The following ZNF708 variants were observed in gnomAD, a reference collection of about 807,000 sequenced individuals.
The protein encoded by ZNF708 is zinc finger protein 708.
A neutral mutation model predicts 47.0 loss-of-function variants in ZNF708; 44 were observed. That is an observed-to-expected ratio of 0.94 (90% CI 0.74 to 1.20). The LOEUF (loss-of-function observed/expected upper bound fraction) is 1.20. Ranked by LOEUF, ZNF708 falls within the 50% of genes most tolerant of loss-of-function variation. ZNF708 has a pLI of 0.00. For missense variants in ZNF708, 557 were observed against 656.0 expected, an observed-to-expected ratio of 0.85 and a Z score of 1.65; for synonymous variants, 184 against 218.5, an observed-to-expected ratio of 0.84 and a Z score of 1.39.
intron 3 of ZNF708, among the ~76,000 whole-genome samples, chr19:21,297,258 ATATATATATATATTTTTTTTTTTTT>A (rs1378093491): frequency 1.4e-4 from 2 of 14,722 alleles, no homozygotes; most frequent in Admixed American, 6.3e-4. Flanking sequence ...ATATATATAT[ATATATATATATATTTTTTTTTTTTT>A]TTTTTTTTTT....
intron 1 of ZNF708, among the ~76,000 whole-genome samples, chr19:21,326,227 GA>G (rs1371853681): frequency 6.6e-6 from 1 of 152,198 alleles, no homozygotes; most frequent in Non-Finnish European, 1.5e-5. Context: ...CTACCCAGAG[GA>G]AAAGAAGTCA....
At chr19:21,326,623 T>C (rs1040324051) in intron 1 of ZNF708, among the ~76,000 whole-genome samples, 1 of 152,174 alleles carries the variant, frequency 6.6e-6, no homozygotes, top group African/African-American at 2.4e-5. Context: ...GCTCTGGTGA[T>C]GGGTGCACCA....
At chr19:21,324,920 T>TGTGAAAATGTACTCATTTTCTA (rs567064765) in intron 1 of ZNF708, among the ~76,000 whole-genome samples, 215 of 152,318 alleles carry the variant, frequency 1.4e-3, no homozygotes, top group African/African-American at 4.9e-3. Context: ...CACATTTTCT[T>TGTGAAAATGTACTCATTTTCTA]GTGAAAATGT....
intron 1 of ZNF708, among the ~76,000 whole-genome samples, chr19:21,311,473 C>T (rs915536758): frequency 2.6e-5 from 4 of 151,984 alleles, no homozygotes; most frequent in African/African-American, 9.7e-5. Flanking sequence ...AAGGACACAG[C>T]ACCACTGCTG....
chr19:21,302,664 A>C (rs1216285766), intron 3 of ZNF708, among the ~76,000 whole-genome samples: 1 of 152,052 alleles, frequency 6.6e-6, no homozygotes, highest in Non-Finnish European at 1.5e-5. Context: ...ATGCCATTGC[A>C]CTCCAGCCTG....
Position 21,310,483 on chromosome 19 carries a change from A to C in ZNF708, c.130+18T>G. ...ATAATAAATAATAAAAATTAAAAAA[A>C]AAAAAACTTATCCTCACCCAGGAAT... On this transcript the variant is annotated intron_variant, in intron 2 of 3. Coordinates refer to ENST00000356929, the MANE Select transcript of ZNF708 (RefSeq NM_021269.3). 1.5e-6 allele frequency: 2 copies of C among 1,307,074 alleles called. No homozygotes were observed. Among genetic ancestry groups the C allele is most frequent in the Non-Finnish European group, 2.0e-6 (2 of 1,010,570 alleles). The allele number at this position is 1,307,074 out of a possible 1,614,324, so 81.0% of individuals were successfully genotyped here.
chr19:21,312,135 A>G (rs563429878), intron 1 of ZNF708, among the ~76,000 whole-genome samples: 20 of 152,142 alleles, frequency 1.3e-4, no homozygotes, highest in Non-Finnish European at 2.4e-4. Flanking sequence ...TCTCTACTAA[A>G]AACACAAAAA....
chr19:21,309,314 A>C lies in ZNF708; in HGVS notation c.158T>G (p.Ile53Ser), dbSNP rs757154922. 5.6e-6 allele frequency: 9 copies of C among 1,601,702 alleles called. No homozygotes were observed. In the Admixed American group the frequency reaches 1.2e-4, roughly 21 times the overall value. ...LGIAVSNLDL[I>S]TCLEQGKEPW... Reference sequence around the variant, plus strand: ...CTCTTTTCCTTGCTCCAGACAGGTGATCAGGTCTAAATTAGACACAGCAAT... The same window carrying C: ...CTCTTTTCCTTGCTCCAGACAGGTGCTCAGGTCTAAATTAGACACAGCAAT... The change falls in exon 3 of 4, where the codon ATC becomes AGC. Residue 53 changes from isoleucine (I) to serine (S), a missense_variant. Ile to Ser is a moderately radical substitution (Grantham distance 142). Transcript: ENST00000356929.
intron 1 of ZNF708, among the ~76,000 whole-genome samples, chr19:21,327,387 C>T (rs1973282153): frequency 6.6e-6 from 1 of 152,090 alleles, no homozygotes; most frequent in Admixed American, 6.5e-5. Flanking sequence ...AAAACATTAG[C>T]TGGGTGTGGT....
At chr19:21,301,734 T>C (rs985731345) in intron 3 of ZNF708, among the ~76,000 whole-genome samples, 29 of 152,190 alleles carry the variant, frequency 1.9e-4, no homozygotes, top group African/African-American at 4.8e-4. Context: ...GAGGTGGAGA[T>C]TGCAGTTAGC....
At chr19:21,317,336 G>A (rs374613613) in intron 1 of ZNF708, among the ~76,000 whole-genome samples, 7 of 152,226 alleles carry the variant, frequency 4.6e-5, no homozygotes, top group African/African-American at 1.7e-4. Flanking sequence ...GCCCTGTAAG[G>A]TTTGTAGAAA....
chr19:21,302,460 G>A (rs553935847), intron 3 of ZNF708, among the ~76,000 whole-genome samples: 1 of 152,194 alleles, frequency 6.6e-6, no homozygotes, highest in Admixed American at 6.5e-5. Context: ...TACTTTGAGA[G>A]GCTGAGGCGG....
chr19:21,297,812 G>A (rs1401484903), intron 3 of ZNF708, among the ~76,000 whole-genome samples: 1 of 152,032 alleles, frequency 6.6e-6, no homozygotes, highest in African/African-American at 2.4e-5. Flanking sequence ...AACCAAATGA[G>A]AGAAGAAGAG....
chr19:21,306,162 C>A (rs566230), intron 3 of ZNF708, among the ~76,000 whole-genome samples: 32,261 of 152,074 alleles, frequency 0.21, 3,562 homozygotes, highest in Non-Finnish European at 0.24. Context: ...TTGGTCTTGG[C>A]ACTATTTTTT....
rs1972422316 is a variant in ZNF708, at chr19:21,292,780, T to C, written c.*494A>G. Reference sequence around the variant, plus strand: ...ATTAATGGCTTTTTCACAGTCTTTATATTGGTACAATTTTTCTCAAGTATA... The same window carrying C: ...ATTAATGGCTTTTTCACAGTCTTTACATTGGTACAATTTTTCTCAAGTATA... On this transcript the variant is annotated 3_prime_UTR_variant, in exon 4 of 4. Coordinates refer to ENST00000356929, the MANE Select transcript of ZNF708 (RefSeq NM_021269.3). 1 of 164,470 alleles carries C rather than the reference T, an allele frequency of 6.1e-6. No individual in the cohort carries two copies. The allele number at this position is 164,470 out of a possible 1,614,324, so 10.2% of individuals were successfully genotyped here.
rs1381791227 is a variant in ZNF708 at position 21,304,386 on chromosome 19, C to T, written c.226+4860G>A. On this transcript the variant is annotated intron_variant, in intron 3 of 3. Coordinates refer to ENST00000356929, the MANE Select transcript of ZNF708 (RefSeq NM_021269.3). ...TCCCCCATGACCCAAACACCACCCACCAGGTCCCACATCAAACAGGAGGAT... is the reference window on the plus strand; with the variant it reads ...TCCCCCATGACCCAAACACCACCCATCAGGTCCCACATCAAACAGGAGGAT... Among the ~76,000 whole-genome samples the T allele has an allele frequency of 2.6e-5, 4 of 151,982 alleles. No homozygotes were observed. The South Asian group carries it at 6.2e-4, about 24-fold the overall frequency.
At chr19:21,294,768 C>A in intron 3 of ZNF708, 29 bp from the exon 4 acceptor site, 1 of 1,511,416 alleles carries the variant, frequency 6.6e-7, no homozygotes, top group Non-Finnish European at 8.8e-7. Context: ...ACAAATTATT[C>A]CATTTACTCA....
In ZNF708 at chr19:21,326,892, C is replaced by T. The variant is rs566746229; in HGVS notation, c.3+2318G>A. On this transcript the variant is annotated intron_variant, in intron 1 of 3. Transcript: ENST00000356929. ...GAGGTTGCAGTGAGCCAAGATTGTGCCATTGCACTCCAGCCTGGGCAACAA... is the reference window on the plus strand; with the variant it reads ...GAGGTTGCAGTGAGCCAAGATTGTGTCATTGCACTCCAGCCTGGGCAACAA... Among the ~76,000 whole-genome samples the T allele has an allele frequency of 5.3e-5, 8 of 152,108 alleles. No homozygotes were observed. The South Asian group carries it at 1.7e-3, about 32-fold the overall frequency.
chr19:21,301,052 A>G (rs1488623674), intron 3 of ZNF708, among the ~76,000 whole-genome samples: 1 of 152,208 alleles, frequency 6.6e-6, no homozygotes, highest in Non-Finnish European at 1.5e-5. Flanking sequence ...CAAAAATATA[A>G]AATTGCAAAA....
Sources: allele counts gnomAD v4.1 joint callset (sites outside exome capture counted in the v4.1 genomes callset), GRCh38; gene constraint gnomAD v4.1.1; transcripts MANE v1.5; gene names NCBI Gene and HGNC (gene_info 2026-07-23, HGNC 2026-07-21).